GALNT17: variants seen among roughly 807,000 people sequenced by gnomAD.
GALNT17 encodes UDP-GalNAc:polypeptide N-acetylgalactosaminyltransferase-like 3.
In GALNT17, 29 loss-of-function variants were observed where a neutral mutation model predicts 63.7. The observed-to-expected ratio is 0.46, with a 90% CI of 0.34 to 0.62. The LOEUF is 0.62. GALNT17 is among the 20% of genes least tolerant of loss of function. The pLI is 0.01. For missense variants in GALNT17, 603 were observed against 799.6 expected, an observed-to-expected ratio of 0.75 and a Z score of 2.97; for synonymous variants, 305 against 318.3, an observed-to-expected ratio of 0.96 and a Z score of 0.45.
intron 4 of GALNT17, among the ~76,000 whole-genome samples, chr7:71,418,945 A>G (rs189459017): frequency 2.0e-4 from 30 of 152,178 alleles, no homozygotes; most frequent in African/African-American, 7.2e-4. Flanking sequence ...TAAAAATACA[A>G]ATACAGGCGC....
intron 5 of GALNT17, among the ~76,000 whole-genome samples, chr7:71,530,191 C>G (rs1433121460): frequency 6.6e-6 from 1 of 152,154 alleles, no homozygotes; most frequent in Non-Finnish European, 1.5e-5. Context: ...CCTGCTGTCC[C>G]TCTAGCACAG....
chr7:71,257,216 C>G (rs1258324461), intron 1 of GALNT17, among the ~76,000 whole-genome samples: 1 of 151,968 alleles, frequency 6.6e-6, no homozygotes, highest in Non-Finnish European at 1.5e-5. Flanking sequence ...CAGTTTAATT[C>G]ATTCTGCATC....
chr7:71,415,755 T>C, intron 3 of GALNT17, 134 bp from the exon 4 acceptor site: 2 of 989,192 alleles, frequency 2.0e-6, no homozygotes, highest in Non-Finnish European at 1.4e-6. Flanking sequence ...GATTTTCTTT[T>C]CTGCCAGAAT....
At chr7:71,476,982 C>T (rs1041377364) in intron 5 of GALNT17, among the ~76,000 whole-genome samples, 2 of 152,064 alleles carry the variant, frequency 1.3e-5, no homozygotes, top group East Asian at 1.9e-4. Flanking sequence ...GGGTGGATCT[C>T]GTGGTGTTAC....
intron 1 of GALNT17, among the ~76,000 whole-genome samples, chr7:71,219,749 A>G (rs940352613): frequency 1.3e-5 from 2 of 152,030 alleles, no homozygotes; most frequent in Non-Finnish European, 2.9e-5. Context: ...TATTTTACCT[A>G]TTTGTAGGCT....
chr7:71,145,783 A>G (rs1043194470), intron 1 of GALNT17, among the ~76,000 whole-genome samples: 1 of 152,096 alleles, frequency 6.6e-6, no homozygotes, highest in Non-Finnish European at 1.5e-5. Context: ...TCGGCTCACT[A>G]TAACCTTCAC....
At chr7:71,222,384 C>T (rs1001924425) in intron 1 of GALNT17, among the ~76,000 whole-genome samples, 11 of 152,056 alleles carry the variant, frequency 7.2e-5, no homozygotes, top group Non-Finnish European at 4.4e-5. Flanking sequence ...CCTCTGCCTC[C>T]CAGGCTCAAA....
chr7:71,459,978 G>T (rs1488854265), intron 5 of GALNT17, among the ~76,000 whole-genome samples: 1 of 152,104 alleles, frequency 6.6e-6, no homozygotes, highest in Non-Finnish European at 1.5e-5. Context: ...TCACCTTATA[G>T]CCTGGAAGCC....
chr7:71,682,017 C>T (rs1026814891), intron 9 of GALNT17, among the ~76,000 whole-genome samples: 3 of 152,106 alleles, frequency 2.0e-5, no homozygotes, highest in Non-Finnish European at 2.9e-5. Flanking sequence ...ACCTCCGCCT[C>T]CTGGGTTCAG....
intron 6 of GALNT17, among the ~76,000 whole-genome samples, chr7:71,589,917 C>A (rs2116914436): frequency 6.6e-6 from 1 of 152,308 alleles, no homozygotes; most frequent in South Asian, 2.1e-4. Context: ...CACGGTGACG[C>A]AGTCATATGG....
intron 1 of GALNT17, among the ~76,000 whole-genome samples, chr7:71,245,395 G>A (rs1282033499): frequency 2.0e-5 from 3 of 152,228 alleles, no homozygotes; most frequent in African/African-American, 7.2e-5. Flanking sequence ...ATCCACGGGT[G>A]TAAAGAAGGG....
intron 8 of GALNT17, 55 bp downstream of exon 8, chr7:71,670,164 T>C: frequency 6.2e-7 from 1 of 1,609,942 alleles, no homozygotes; most frequent in Non-Finnish European, 8.5e-7. Context: ...ATGCTGTGGG[T>C]TGCTTCGCTG....
chr7:71,287,956 G>A (rs901990186), intron 1 of GALNT17, among the ~76,000 whole-genome samples: 2 of 151,430 alleles, frequency 1.3e-5, no homozygotes, highest in African/African-American at 4.9e-5. Flanking sequence ...GGAGGCTGAG[G>A]CAGGAGAATC....
intron 1 of GALNT17, among the ~76,000 whole-genome samples, chr7:71,260,760 A>T (rs556911367): frequency 4.5e-4 from 69 of 151,792 alleles, no homozygotes; most frequent in African/African-American, 1.5e-3. Flanking sequence ...ACATCCTGAT[A>T]ATTTTTATTT....
chr7:71,569,984 T>C (rs2116874665), intron 5 of GALNT17, among the ~76,000 whole-genome samples: 1 of 152,282 alleles, frequency 6.6e-6, no homozygotes, highest in Middle Eastern at 3.4e-3. Context: ...TAAACTATTT[T>C]ACACTGCCAC....
intron 6 of GALNT17, among the ~76,000 whole-genome samples, chr7:71,655,210 A>C (rs1462425683): frequency 1.3e-5 from 2 of 151,772 alleles, no homozygotes; most frequent in Non-Finnish European, 2.9e-5. Context: ...AGCTACAGTC[A>C]TGCCACTGCA....
chr7:71,155,840 T>C (rs888416659), intron 1 of GALNT17, among the ~76,000 whole-genome samples: 1 of 151,856 alleles, frequency 6.6e-6, no homozygotes, highest in Non-Finnish European at 1.5e-5. Context: ...GTCTGAATTA[T>C]GGCCTTATAA....
intron 1 of GALNT17, among the ~76,000 whole-genome samples, chr7:71,238,303 T>C (rs917944603): frequency 6.6e-6 from 1 of 152,100 alleles, no homozygotes; most frequent in Non-Finnish European, 1.5e-5. Context: ...AGGTGAGGGG[T>C]TGGGAAAGAG....
At chr7:71,356,612 TCA>T (rs904930744) in intron 2 of GALNT17, among the ~76,000 whole-genome samples, 12 of 152,084 alleles carry the variant, frequency 7.9e-5, no homozygotes, top group Admixed American at 5.2e-4. Flanking sequence ...TCTTGAGAAC[TCA>T]CAGAGTAGAG....
Sources: gnomAD v4.1 joint callset for allele counts (sites outside exome capture counted in the v4.1 genomes callset) on GRCh38, gnomAD v4.1.1 for gene constraint, MANE v1.5 for transcripts, NCBI Gene and HGNC (gene_info 2026-07-23, HGNC 2026-07-21) for gene names.